The following TMED3 variants were observed in gnomAD, a reference collection of about 807,000 sequenced individuals.
TMED3 encodes the protein transmembrane p24 trafficking protein 3.
In TMED3, 9 loss-of-function variants were observed where a neutral mutation model predicts 15.0. That is an observed-to-expected ratio of 0.60 (90% CI 0.36 to 1.04). The LOEUF is 1.04. Ranked by LOEUF, TMED3 falls within the 50% of genes least tolerant of loss-of-function variation. The probability of loss-of-function intolerance (pLI) is 0.01; values close to 1 mark genes in which losing one functional copy is unlikely to be tolerated. For synonymous variants in TMED3, 117 were observed against 121.4 expected (o/e 0.96, Z 0.24); for missense variants, 267 against 278.9 (o/e 0.96, Z 0.30).
intron 2 of TMED3, among the ~76,000 whole-genome samples, chr15:79,359,568 A>G (rs1030430398): frequency 2.6e-5 from 4 of 152,128 alleles, no homozygotes; most frequent in Non-Finnish European, 4.4e-5. Flanking sequence ...AAATCAGCTG[A>G]GAGGTGAGTC....
chr15:79,322,477 G>T lies in TMED3; in HGVS notation c.*263G>T. 1 of 1,293,152 alleles carries T rather than the reference G, an allele frequency of 7.7e-7. No individual in the cohort carries two copies. Among genetic ancestry groups the T allele is most frequent in the Non-Finnish European group, 9.8e-7 (1 of 1,018,158 alleles). The allele number at this position is 1,293,152 out of a possible 1,614,324, so 80.1% of individuals were successfully genotyped here. ...ACTAGGCCAGGGATTAGCCACTGTGGGAGGGTGGACAGGCAATGGTTCAGT... is the reference window on the plus strand; with the variant it reads ...ACTAGGCCAGGGATTAGCCACTGTGTGAGGGTGGACAGGCAATGGTTCAGT... On this transcript the variant is annotated 3_prime_UTR_variant, in exon 3 of 3. Transcript: ENST00000299705.
chr15:79,321,270 C>G (rs1183466946), intron 2 of TMED3, among the ~76,000 whole-genome samples: 4 of 152,148 alleles, frequency 2.6e-5, no homozygotes, highest in Non-Finnish European at 4.4e-5. Context: ...GGCGGGGGAC[C>G]TTGGTGGTGG....
At chr15:79,374,377 C>A (rs984805560) in intron 2 of TMED3, among the ~76,000 whole-genome samples, 2 of 152,166 alleles carry the variant, frequency 1.3e-5, no homozygotes, top group African/African-American at 4.8e-5. Flanking sequence ...GATGTCCCCT[C>A]TTCTTATCAT....
intron 2 of TMED3, among the ~76,000 whole-genome samples, chr15:79,408,205 C>T (rs2903063): frequency 0.4 from 60,896 of 152,132 alleles, 12,860 homozygotes; most frequent in Middle Eastern, 0.57. Flanking sequence ...CCTCTCTGCT[C>T]ACATCACTCT....
In TMED3 at chr15:79,322,318, G is replaced by A. The variant is rs920610603; in HGVS notation, c.*104G>A. On this transcript the variant is annotated 3_prime_UTR_variant, in exon 3 of 3. Transcript: ENST00000299705. ...GCGTAGCCCAGGGTGGAGGCAGAAC[G>A]ATGCTGCTGTGGTAGCCCTTTGCCT... The A allele has an allele frequency of 3.3e-5, 50 of 1,513,012 alleles. No individual in the cohort carries two copies. Among genetic ancestry groups the A allele is most frequent in the East Asian group, 9.1e-5 (4 of 43,966 alleles). 93.7% of individuals were successfully genotyped at this position (1,513,012 alleles called of 1,614,324 possible).
intron 2 of TMED3, among the ~76,000 whole-genome samples, chr15:79,339,667 G>C (rs11638326): frequency 0.25 from 37,989 of 152,002 alleles, 6,041 homozygotes; most frequent in Middle Eastern, 0.41. Flanking sequence ...GATGACAGAG[G>C]AGTGGTAGTG....
At chr15:79,319,223 C>T (rs759663901) in intron 2 of TMED3, among the ~76,000 whole-genome samples, 2 of 152,354 alleles carry the variant, frequency 1.3e-5, no homozygotes, top group African/African-American at 2.4e-5. Context: ...CCACTTCTTA[C>T]ACATGGACCT....
intron 2 of TMED3, among the ~76,000 whole-genome samples, chr15:79,409,425 G>A (rs1031648720): frequency 2.0e-5 from 3 of 152,158 alleles, no homozygotes; most frequent in African/African-American, 4.8e-5. Context: ...GGAACCAAGA[G>A]GTAATGATTG....
intron 2 of TMED3, among the ~76,000 whole-genome samples, chr15:79,329,329 C>T (rs962691330): frequency 1.3e-5 from 2 of 152,156 alleles, no homozygotes; most frequent in Admixed American, 6.5e-5. Flanking sequence ...TACAAAATAT[C>T]GTTATACCAG....
chr15:79,354,058 A>G (rs1412144541), intron 2 of TMED3, among the ~76,000 whole-genome samples: 1 of 152,208 alleles, frequency 6.6e-6, no homozygotes, highest in Non-Finnish European at 1.5e-5. Flanking sequence ...AGAAAAGAAC[A>G]TAGTTGCAGG....
In TMED3 at chr15:79,322,834, G is replaced by T; in HGVS notation, c.*620G>T. Reference sequence around the variant, plus strand: ...ACTGTGGCTAATAAAAACTAAGTGTGAGCGTCCTGGAGACTTGTGCCTTTA... The same window carrying T: ...ACTGTGGCTAATAAAAACTAAGTGTTAGCGTCCTGGAGACTTGTGCCTTTA... On this transcript the variant is annotated 3_prime_UTR_variant, in exon 3 of 3. Coordinates refer to ENST00000299705, the MANE Select transcript of TMED3 (RefSeq NM_007364.4). 2.0e-6 allele frequency: 2 copies of T among 985,564 alleles called. No homozygotes were observed. The highest frequency in any genetic ancestry group is 1.2e-6 in the Non-Finnish European group (1 of 830,080). 61.1% of individuals were successfully genotyped at this position (985,564 alleles called of 1,614,324 possible).
intron 2 of TMED3, among the ~76,000 whole-genome samples, chr15:79,405,036 C>A (rs1272016487): frequency 1.3e-5 from 2 of 152,218 alleles, no homozygotes; most frequent in African/African-American, 4.8e-5. Flanking sequence ...ATGGAGGCCA[C>A]CTCTGAATCT....
intron 2 of TMED3, among the ~76,000 whole-genome samples, chr15:79,387,516 G>C (rs931730338): frequency 6.6e-6 from 1 of 151,914 alleles, no homozygotes. Flanking sequence ...GGGTGTCTTG[G>C]CTATTCTTAG....
chr15:79,386,433 A>G (rs1893627162), intron 2 of TMED3, among the ~76,000 whole-genome samples: 1 of 152,212 alleles, frequency 6.6e-6, no homozygotes, highest in African/African-American at 2.4e-5. Flanking sequence ...ATTATATGCT[A>G]CATTGTTCCT....
At chr15:79,365,555 G>A (rs1893215581) in intron 2 of TMED3, among the ~76,000 whole-genome samples, 1 of 152,218 alleles carries the variant, frequency 6.6e-6, no homozygotes, top group Non-Finnish European at 1.5e-5. Flanking sequence ...GGGAAAGAAG[G>A]AGGGTATGGT....
rs112662044 is a variant in TMED3 at position 79,321,644 on chromosome 15, C to T, written c.418-334C>T. Reference sequence around the variant, plus strand: ...CTCATCTGTGTGTGGGATAAGCCCTCGTTAACAGTGAGGGTAATGATCCGT... The same window carrying T: ...CTCATCTGTGTGTGGGATAAGCCCTTGTTAACAGTGAGGGTAATGATCCGT... On this transcript the variant is annotated intron_variant, in intron 2 of 2. Transcript: ENST00000299705. Among the ~76,000 whole-genome samples, 333 of 152,178 alleles carry T rather than the reference C, an allele frequency of 2.2e-3. 2 individuals carry two copies. Among genetic ancestry groups the T allele is most frequent in the African/African-American group, 7.3e-3 (305 of 41,522 alleles).
At chr15:79,388,044 AT>A (rs1436010652) in intron 2 of TMED3, among the ~76,000 whole-genome samples, 2 of 151,964 alleles carry the variant, frequency 1.3e-5, no homozygotes, top group Non-Finnish European at 2.9e-5. Flanking sequence ...AAAATATAGG[AT>A]TTTTTTCCAT....
intron 2 of TMED3, among the ~76,000 whole-genome samples, chr15:79,361,932 A>G (rs1040299503): frequency 1.3e-5 from 2 of 152,118 alleles, no homozygotes; most frequent in Non-Finnish European, 2.9e-5. Flanking sequence ...AAAATAAAAG[A>G]TCTAATTTAT....
In TMED3 at chr15:79,311,146, T is replaced by A; in HGVS notation, c.-104T>A. ...AGCGCAGAGCTCCGCTGGTGCCACGTCTATCCCCTTACATCCTCCTAGGAC... is the reference window on the plus strand; with the variant it reads ...AGCGCAGAGCTCCGCTGGTGCCACGACTATCCCCTTACATCCTCCTAGGAC... On this transcript the variant is annotated 5_prime_UTR_variant, in exon 1 of 3. Coordinates refer to ENST00000299705, the MANE Select transcript of TMED3 (RefSeq NM_007364.4). 7.7e-7 allele frequency: 1 copy of A among 1,294,968 alleles called. No homozygotes were observed. The highest frequency in any genetic ancestry group is 1.5e-5 in the South Asian group (1 of 64,772). 80.2% of individuals were successfully genotyped at this position (1,294,968 alleles called of 1,614,324 possible).
Sources: gnomAD v4.1 joint callset for allele counts (sites outside exome capture counted in the v4.1 genomes callset) on GRCh38, gnomAD v4.1.1 for gene constraint, MANE v1.5 for transcripts, NCBI Gene and HGNC (gene_info 2026-07-23, HGNC 2026-07-21) for gene names.